The following SOX6 variants were observed in gnomAD, a reference collection of about 807,000 sequenced individuals.
The protein encoded by SOX6 is SRY-box transcription factor 6, also known as transcription factor SOX-6.
Under a neutral mutation model 97.8 loss-of-function variants are expected in SOX6, and 11 were observed. The observed-to-expected ratio is 0.11, with a 90% confidence interval of 0.07 to 0.19. SOX6 has a LOEUF of 0.19. Ranked by LOEUF, SOX6 falls within the 10% of genes least tolerant of loss-of-function variation. SOX6 has a pLI of 1.00. For missense variants in SOX6, 810 were observed against 1,039.5 expected (o/e 0.78, Z 3.04); for synonymous variants, 360 against 371.4 (o/e 0.97, Z 0.35).
intron 4 of SOX6, among the ~76,000 whole-genome samples, chr11:16,499,618 T>C (rs542175453): frequency 2.6e-5 from 4 of 152,192 alleles, no homozygotes; most frequent in South Asian, 2.1e-4. Context: ...TAAAAAACGA[T>C]AAAAGGAATA....
chr11:16,301,414 T>C (rs1364315929), intron 3 of SOX6, among the ~76,000 whole-genome samples: 1 of 152,170 alleles, frequency 6.6e-6, no homozygotes, highest in African/African-American at 2.4e-5. Flanking sequence ...TACTATACCA[T>C]AGTTCTCAAT....
intron 3 of SOX6, among the ~76,000 whole-genome samples, chr11:16,253,345 G>A (rs1370187710): frequency 3.3e-5 from 4 of 122,144 alleles, no homozygotes; most frequent in South Asian, 2.5e-4. Flanking sequence ...GCAAAATTCC[G>A]TGTCAAAAAA....
intron 2 of SOX6, among the ~76,000 whole-genome samples, chr11:16,337,146 C>T (rs576239324): frequency 2.6e-4 from 39 of 152,178 alleles, no homozygotes; most frequent in Admixed American, 8.5e-4. Context: ...AGGTACTATA[C>T]ACTCAGGTAT....
At chr11:16,676,491 T>C (rs1445049308) in intron 3 of SOX6, among the ~76,000 whole-genome samples, 1 of 152,260 alleles carries the variant, frequency 6.6e-6, no homozygotes, top group African/African-American at 2.4e-5. Context: ...GAATATCTGA[T>C]ACTTTGACAA....
chr11:16,275,887 A>G (rs1854385307), intron 3 of SOX6, among the ~76,000 whole-genome samples: 1 of 152,200 alleles, frequency 6.6e-6, no homozygotes, highest in Non-Finnish European at 1.5e-5. Flanking sequence ...ATAGATTCAT[A>G]TTGTAATATT....
In SOX6 at chr11:16,304,853, A is replaced by G. The variant is rs577277811; in HGVS notation, c.445+13593T>C. ...TTTTCAACAGATGATGCCGCAGCAA[A>G]TTAAACATCCATAGGCCAAAAGAAA... On this transcript the variant is annotated intron_variant, in intron 3 of 15. Coordinates refer to ENST00000683767, the MANE Select transcript of SOX6 (RefSeq NM_001367873.1). 3.9e-5 allele frequency among the ~76,000 whole-genome samples: 6 copies of G among 152,312 alleles called. No homozygotes were observed. The East Asian group carries it at 1.2e-3, about 29-fold the overall frequency.
intron 9 of SOX6, among the ~76,000 whole-genome samples, chr11:16,087,617 T>C (rs1848605445): frequency 6.6e-6 from 1 of 151,736 alleles, no homozygotes; most frequent in Non-Finnish European, 1.5e-5. Context: ...AATATCAAAG[T>C]GAAGGAAAAA....
At chr11:16,364,770 C>G (rs781690959) in intron 1 of SOX6, among the ~76,000 whole-genome samples, 1 of 152,040 alleles carries the variant, frequency 6.6e-6, no homozygotes, top group Non-Finnish European at 1.5e-5. Context: ...TCTTGTAAAT[C>G]CAGTTAGAAA....
At chr11:16,064,603 C>T (rs1848046191) in intron 9 of SOX6, among the ~76,000 whole-genome samples, 1 of 150,998 alleles carries the variant, frequency 6.6e-6, no homozygotes. Flanking sequence ...AATATTGATG[C>T]AAAAATCCTC....
chr11:16,184,939 C>G (rs1014323637), intron 5 of SOX6, among the ~76,000 whole-genome samples: 2 of 152,114 alleles, frequency 1.3e-5, no homozygotes, highest in Admixed American at 6.6e-5. Context: ...TCAAGAGTGT[C>G]TTTTCTTCCT....
At chr11:16,181,085 T>TG (rs1241669232) in intron 6 of SOX6, among the ~76,000 whole-genome samples, 2 of 151,354 alleles carry the variant, frequency 1.3e-5, no homozygotes, top group African/African-American at 2.4e-5. Context: ...GCTTGCAAAT[T>TG]GGGGGGAAAA....
At chr11:16,597,670 T>C (rs1336626631) in intron 4 of SOX6, among the ~76,000 whole-genome samples, 1 of 152,028 alleles carries the variant, frequency 6.6e-6, no homozygotes, top group African/African-American at 2.4e-5. Context: ...AATCCTGGTG[T>C]TAATCATTGA....
chr11:15,974,552 G>C (rs59962717), intron 15 of SOX6, among the ~76,000 whole-genome samples: 12,535 of 97,868 alleles, frequency 0.13, 1,597 homozygotes, highest in East Asian at 0.39. Flanking sequence ...CCCCCGACCC[G>C]ACCACAGTCC....
At chr11:16,514,403 C>T (rs1018224178) in intron 4 of SOX6, among the ~76,000 whole-genome samples, 1 of 152,126 alleles carries the variant, frequency 6.6e-6, no homozygotes, top group African/African-American at 2.4e-5. Flanking sequence ...ATAGTTGCCA[C>T]TAGCCCAAAG....
intron 3 of SOX6, among the ~76,000 whole-genome samples, chr11:16,672,980 A>G (rs1847857930): frequency 2.0e-5 from 3 of 152,184 alleles, no homozygotes; most frequent in Admixed American, 1.3e-4. Context: ...AGATCTAACT[A>G]TCCTAAATAT....
intron 3 of SOX6, among the ~76,000 whole-genome samples, chr11:16,251,870 G>A (rs184682738): frequency 2.3e-4 from 35 of 152,164 alleles, no homozygotes; most frequent in Non-Finnish European, 3.4e-4. Context: ...CCAGGAATGC[G>A]AAGTTGCTTG....
chr11:16,367,862 A>C (rs1321450638), intron 1 of SOX6, among the ~76,000 whole-genome samples: 1 of 152,192 alleles, frequency 6.6e-6, no homozygotes, highest in Non-Finnish European at 1.5e-5. Context: ...ACTTTCCTAA[A>C]AAGCATTAAA....
intron 4 of SOX6, among the ~76,000 whole-genome samples, chr11:16,200,455 T>C (rs976173440): frequency 1.2e-4 from 18 of 152,356 alleles, no homozygotes; most frequent in Admixed American, 1.1e-3. Flanking sequence ...GTTTCTTTTA[T>C]ACTTAAGGTT....
Position 16,259,052 on chromosome 11 carries a change from A to C in SOX6, c.446-24381T>G, listed in dbSNP as rs77930501. Among the ~76,000 whole-genome samples, 918 of 152,044 alleles carry C rather than the reference A, an allele frequency of 6.0e-3. 16 individuals are homozygous for C. Among genetic ancestry groups the C allele is most frequent in the African/African-American group, 0.021 (884 of 41,540 alleles). The stretch of plus-strand genomic sequence containing the variant: ...AAAGAAATAAAATTCACCATTCACA[A>C]ACAATTTGGTTGTATATATAGAAAT... On this transcript the variant is annotated intron_variant, in intron 3 of 15. Coordinates refer to ENST00000683767, the MANE Select transcript of SOX6 (RefSeq NM_001367873.1).
Sources: gnomAD v4.1 joint callset for allele counts (sites outside exome capture counted in the v4.1 genomes callset) on GRCh38, gnomAD v4.1.1 for gene constraint, MANE v1.5 for transcripts, NCBI Gene and HGNC (gene_info 2026-07-23, HGNC 2026-07-21) for gene names.